Variants in CREM observed in about 807,000 individuals in gnomAD.
The protein encoded by CREM is cAMP-responsive element modulator.
A neutral mutation model predicts 37.3 loss-of-function variants in CREM; 13 were observed. That is an observed-to-expected ratio of 0.35 (90% CI 0.23 to 0.55). The LOEUF is 0.55. CREM is among the 20% of genes least tolerant of loss of function. The pLI, the probability that CREM is intolerant of heterozygous loss-of-function variation, is 0.88. For synonymous variants in CREM, 124 were observed against 120.2 expected (o/e 1.03, Z -0.21); for missense variants, 296 against 362.3 (o/e 0.82, Z 1.49).
intron 5 of CREM, among the ~76,000 whole-genome samples, chr10:35,182,942 C>T (rs1234729134): frequency 6.6e-6 from 1 of 152,146 alleles, no homozygotes; most frequent in Non-Finnish European, 1.5e-5. Context: ...TTACTTGCTG[C>T]ATGAGACAGT....
chr10:35,187,185 A>T (rs573506857), intron 5 of CREM, among the ~76,000 whole-genome samples: 1,905 of 64,926 alleles, frequency 0.029, 81 homozygotes, highest in African/African-American at 0.11. Flanking sequence ...ATTAATATAT[A>T]AATATATTAA....
chr10:35,175,907 C>A, intron 3 of CREM: 1 of 1,554,000 alleles, frequency 6.4e-7, no homozygotes, highest in Non-Finnish European at 8.7e-7. Flanking sequence ...AACTCTAGTG[C>A]AGTTACCTTC....
In CREM at chr10:35,186,855, TTATA is replaced by T. The variant is rs905614046; in HGVS notation, c.410-1340_410-1337del. ...ATATAGGTATATATACGTATATATG[TTATA>T]TATAATTATATATTATATATAAAAT... On this transcript the variant is annotated intron_variant, in intron 5 of 7. Transcript: ENST00000685392. 6.2e-4 allele frequency among the ~76,000 whole-genome samples: 68 copies of T among 108,850 alleles called. 1 individual carries two copies. In the Admixed American group the frequency reaches 7.7e-3, roughly 12 times the overall value. The allele number at this position is 108,850 out of a possible 152,430, so 71.4% of individuals were successfully genotyped here.
rs747354004 is a variant in CREM, at chr10:35,206,911, G to A, written c.615G>A (p.Met205Ile). The A allele has an allele frequency of 7.4e-6, 12 of 1,613,506 alleles. No homozygotes were observed. The highest frequency in any genetic ancestry group is 1.0e-5 in the Non-Finnish European group (12 of 1,179,930). ...TTACTGCAGCTGCCACTGGTGACAT[G>A]CCAACTTACCAGATCCGAGCTCCTA... ...QVVVQAATGD[M>I]PTYQIRAPTA... is the part of the protein sequence containing the mutation. The change falls in exon 7 of 8, where the codon ATG (methionine) becomes ATA (isoleucine). Residue 205 changes from methionine (M) to isoleucine (I), a missense_variant. Physicochemically the swap from Met to Ile is conservative, Grantham distance 10 (BLOSUM62 1). Coordinates refer to ENST00000685392, the MANE Select transcript of CREM (RefSeq NM_183011.2).
intron 3 of CREM, among the ~76,000 whole-genome samples, chr10:35,176,410 T>C (rs1349539656): frequency 7.5e-6 from 1 of 133,722 alleles, no homozygotes; most frequent in East Asian, 2.0e-4. Context: ...TTTTTTCTTC[T>C]TTTTTTTTTT....
At chr10:35,149,021 A>G (rs1213033549) in intron 3 of CREM, among the ~76,000 whole-genome samples, 1 of 152,206 alleles carries the variant, frequency 6.6e-6, no homozygotes, top group African/African-American at 2.4e-5. Context: ...TATTTATTGA[A>G]TGTCTGCTGT....
chr10:35,174,176 A>G (rs982105640), intron 3 of CREM, among the ~76,000 whole-genome samples: 2 of 152,140 alleles, frequency 1.3e-5, no homozygotes, highest in Non-Finnish European at 2.9e-5. Flanking sequence ...TATCTGTCCA[A>G]CTGTTATCTA....
chr10:35,159,309 T>C (rs1589644166), intron 3 of CREM, among the ~76,000 whole-genome samples: 1 of 152,194 alleles, frequency 6.6e-6, no homozygotes, highest in East Asian at 1.9e-4. Flanking sequence ...GGCATCACAC[T>C]ACCTGACTTC....
intron 3 of CREM, among the ~76,000 whole-genome samples, chr10:35,171,507 G>A (rs2093820240): frequency 6.6e-6 from 1 of 152,156 alleles, no homozygotes; most frequent in Non-Finnish European, 1.5e-5. Flanking sequence ...TCTGATAATT[G>A]TACTTGAAAG....
In CREM at chr10:35,134,715, A is replaced by G. The variant is rs1714189562; in HGVS notation, c.-54-3067A>G. ...AACATATTTTAAATATCATTTGTATAGAAAGCTATATATTGAAGGATACCG... is the reference window on the plus strand; with the variant it reads ...AACATATTTTAAATATCATTTGTATGGAAAGCTATATATTGAAGGATACCG... On this transcript the variant is annotated intron_variant, in intron 1 of 7. Coordinates refer to ENST00000685392, the MANE Select transcript of CREM (RefSeq NM_183011.2). Among the ~76,000 whole-genome samples the G allele has an allele frequency of 5.3e-5, 8 of 152,298 alleles. No individual in the cohort carries two copies. The South Asian group carries it at 1.7e-3, about 32-fold the overall frequency.
At position 35,211,154 on chromosome 10, in the gene CREM, ATCGATTGGCTGTTGAGT is replaced by A. The variant is rs2095657066; in HGVS notation, c.756-96_756-80del. 2.8e-5 allele frequency: 37 copies of A among 1,311,926 alleles called. No homozygotes were observed. In the South Asian group the frequency reaches 4.9e-4, roughly 17 times the overall value. The allele number at this position is 1,311,926 out of a possible 1,614,324, so 81.3% of individuals were successfully genotyped here. On this transcript the variant is annotated intron_variant, in intron 7 of 7. Coordinates refer to ENST00000685392, the MANE Select transcript of CREM (RefSeq NM_183011.2). ...TGGCTTTGTACAGTCCTTACCTAGG[ATCGATTGGCTGTTGAGT>A]TCGGGGGGCAGAAGTGCACTGACCC... is the stretch of plus-strand genomic sequence containing the variant.
At chr10:35,148,569 T>C (rs2092343571) in intron 3 of CREM, 78 bp downstream of exon 3, 2 of 1,484,072 alleles carry the variant, frequency 1.3e-6, no homozygotes, top group East Asian at 2.4e-5. Flanking sequence ...TTTCTTGCCA[T>C]TGATCTTAAA....
chr10:35,175,948 T>G, intron 3 of CREM: 4 of 1,551,410 alleles, frequency 2.6e-6, no homozygotes, highest in Non-Finnish European at 3.5e-6. Flanking sequence ...AGGGAGTAAT[T>G]CAGACACCAC....
At chr10:35,145,160 CAA>C (rs34802396) in intron 2 of CREM, among the ~76,000 whole-genome samples, 13 of 67,826 alleles carry the variant, frequency 1.9e-4, no homozygotes, top group East Asian at 4.2e-4. Context: ...GACACTGTCT[CAA>C]AAAAAAAAAA....
At chr10:35,149,889 A>ACAC (rs57052032) in intron 3 of CREM, among the ~76,000 whole-genome samples, 2 of 111,922 alleles carry the variant, frequency 1.8e-5, no homozygotes, top group East Asian at 2.7e-4. Context: ...CTTTTGCTTA[A>ACAC]ACACACACAC....
rs777152673 is a variant in CREM at position 35,178,937 on chromosome 10, A to G, written c.217A>G (p.Ile73Val). Residue 73 changes from isoleucine to valine, a missense_variant, in exon 4 of 8, where the codon ATT (isoleucine) becomes GTT (valine). Ile to Val is a conservative substitution (Grantham distance 29). Coordinates refer to ENST00000685392, the MANE Select transcript of CREM (RefSeq NM_183011.2). ...TDESAESEGVIDSHKRREILS... is the reference protein window; with the variant it reads ...TDESAESEGVVDSHKRREILS... ...TGAATCTGCAGAATCAGAAGGTGTA[A>G]TTGATTCTCATAAACGTAGAGAAAT... 2.5e-6 allele frequency: 4 copies of G among 1,613,706 alleles called. No homozygotes were observed. The Admixed American group carries it at 6.7e-5, about 27-fold the overall frequency.
At chr10:35,184,969 ACT>A (rs2094491346) in intron 5 of CREM, among the ~76,000 whole-genome samples, 2 of 152,162 alleles carry the variant, frequency 1.3e-5, no homozygotes, top group Non-Finnish European at 2.9e-5. Flanking sequence ...ACCTCATTTA[ACT>A]CTCCTAGATT....
intron 6 of CREM, among the ~76,000 whole-genome samples, chr10:35,199,496 A>C (rs2095318947): frequency 6.6e-6 from 1 of 152,242 alleles, no homozygotes; most frequent in South Asian, 2.1e-4. Flanking sequence ...AAACATGAAT[A>C]CCAACTATAG....
At chr10:35,152,644 C>T (rs1478303192) in intron 3 of CREM, among the ~76,000 whole-genome samples, 2 of 152,012 alleles carry the variant, frequency 1.3e-5, no homozygotes, top group Non-Finnish European at 2.9e-5. Flanking sequence ...TTATTAAGTA[C>T]GTGTGTTGAT....
Sources: gnomAD v4.1 joint callset for allele counts (sites outside exome capture counted in the v4.1 genomes callset) on GRCh38, gnomAD v4.1.1 for gene constraint, MANE v1.5 for transcripts, NCBI Gene and HGNC (gene_info 2026-07-23, HGNC 2026-07-21) for gene names.